Variants in RTP2 observed in about 807,000 individuals in gnomAD.
The protein encoded by RTP2 is receptor-transporting protein 2.
In RTP2, 12 loss-of-function variants were observed where a neutral mutation model predicts 17.9. The observed-to-expected ratio is 0.67, with a 90% CI of 0.43 to 1.09. The LOEUF (loss-of-function observed/expected upper bound fraction) is 1.09. RTP2 is among the 50% of genes least tolerant of loss of function. RTP2 has a pLI of 0.00. For missense variants in RTP2, 327 were observed against 295.7 expected (o/e 1.11, Z -0.78); for synonymous variants, 126 against 117.7 (o/e 1.07, Z -0.46).
At chr3:187,699,776 CACACACATAT>C (rs747680489) in intron 1 of RTP2, among the ~76,000 whole-genome samples, 1,697 of 45,418 alleles carry the variant, frequency 0.037, 29 homozygotes, top group African/African-American at 0.094. Flanking sequence ...CACACACACA[CACACACATAT>C]ATTTTCTCTC....
At chr3:187,700,245 A>G (rs1717811730) in intron 1 of RTP2, among the ~76,000 whole-genome samples, 1 of 152,220 alleles carries the variant, frequency 6.6e-6, no homozygotes, top group Non-Finnish European at 1.5e-5. Context: ...TGAGCATAGA[A>G]CAGTACCCAG....
upstream of RTP2, among the ~76,000 whole-genome samples, chr3:187,704,247 A>G (rs1335446808): frequency 1.3e-5 from 2 of 152,222 alleles, no homozygotes; most frequent in Non-Finnish European, 2.9e-5. Context: ...TTTCCCCTTC[A>G]ATTTGGAATG....
intron 1 of RTP2, among the ~76,000 whole-genome samples, chr3:187,701,477 G>T (rs868044242): frequency 1.3e-5 from 2 of 152,170 alleles, no homozygotes; most frequent in African/African-American, 4.8e-5. Flanking sequence ...AGTTTACAAG[G>T]CTACTTAGCT....
the RTP2 span, among the ~76,000 whole-genome samples, chr3:187,713,137 T>C: frequency 6.6e-6 from 1 of 151,952 alleles, no homozygotes; most frequent in Non-Finnish European, 1.5e-5. Flanking sequence ...AGGGAGGAGA[T>C]TGAGATGTAC....
chr3:187,702,973 G>A (rs900367172), upstream of RTP2, among the ~76,000 whole-genome samples: 1 of 152,000 alleles, frequency 6.6e-6, no homozygotes, highest in Non-Finnish European at 1.5e-5. Flanking sequence ...GCCAGGCTAA[G>A]GTGGCTGCTG....
At chr3:187,707,400 C>T (rs944441614), upstream of RTP2, among the ~76,000 whole-genome samples, 1 of 152,090 alleles carries the variant, frequency 6.6e-6, no homozygotes, top group African/African-American at 2.4e-5. Flanking sequence ...GTAGGGAAGT[C>T]AATAAGGCTT....
upstream of RTP2, among the ~76,000 whole-genome samples, chr3:187,705,482 C>T (rs115303704): frequency 3.9e-5 from 6 of 152,342 alleles, no homozygotes; most frequent in Non-Finnish European, 8.8e-5. Context: ...CCTGGGCAGA[C>T]TTTTAAAAAT....
At chr3:187,702,209 A>G (rs925019985) in exon 1 of RTP2, 1 of 1,380,086 alleles carries the variant, frequency 7.2e-7, no homozygotes, top group East Asian at 2.3e-5. Flanking sequence ...GGGACAATTC[A>G]GTGTCTACGG....
upstream of RTP2, among the ~76,000 whole-genome samples, chr3:187,704,800 C>T (rs1222956785): frequency 6.6e-6 from 1 of 152,166 alleles, no homozygotes; most frequent in East Asian, 1.9e-4. Context: ...GGTCCAAGCT[C>T]CCACTCTTTG....
In RTP2 at chr3:187,699,483, G is replaced by T. The variant is rs990836632; in HGVS notation, c.165-472C>A. On this transcript the variant is annotated intron_variant, in intron 1 of 1. Coordinates refer to ENST00000358241, the Ensembl canonical transcript of RTP2. ...TGCATCTTGCTTACTTTGGGGAGAA[G>T]AGACGCCTCTAACTGTGCCAAGCAC... Among the ~76,000 whole-genome samples the T allele has an allele frequency of 2.0e-5, 3 of 152,246 alleles. 1 individual carries two copies. Among genetic ancestry groups the T allele is most frequent in the African/African-American group, 7.2e-5 (3 of 41,550 alleles).
intron 1 of RTP2, among the ~76,000 whole-genome samples, chr3:187,701,343 T>G (rs937354152): frequency 6.6e-6 from 1 of 152,212 alleles, no homozygotes; most frequent in Non-Finnish European, 1.5e-5. Context: ...TGCTCAAAGC[T>G]AAATCTTTTT....
intron 1 of RTP2, 116 bp from the exon 2 acceptor site, chr3:187,699,127 T>C: frequency 8.1e-7 from 1 of 1,230,694 alleles, no homozygotes; most frequent in Non-Finnish European, 1.1e-6. Context: ...GGAGGCAGTG[T>C]TTACTGCCCT....
upstream of RTP2, among the ~76,000 whole-genome samples, chr3:187,706,361 A>G (rs1158970486): frequency 1.3e-5 from 2 of 152,240 alleles, no homozygotes; most frequent in Admixed American, 1.3e-4. Context: ...ACTATAGTTA[A>G]AAAGCTACAT....
upstream of RTP2, among the ~76,000 whole-genome samples, chr3:187,706,578 A>G (rs985669405): frequency 1.3e-5 from 2 of 152,202 alleles, no homozygotes; most frequent in Admixed American, 1.3e-4. Flanking sequence ...TGCATGCCTC[A>G]CTTCATCTCA....
upstream of RTP2, among the ~76,000 whole-genome samples, chr3:187,703,690 A>T (rs1445335358): frequency 6.6e-6 from 1 of 152,222 alleles, no homozygotes; most frequent in Non-Finnish European, 1.5e-5. Context: ...GGGATCCATG[A>T]ATGGCCAGGA....
the RTP2 span, among the ~76,000 whole-genome samples, chr3:187,710,401 C>A: frequency 2.2e-5 from 3 of 134,064 alleles, no homozygotes; most frequent in Non-Finnish European, 4.8e-5. Context: ...ATATATATAT[C>A]ATATATTATA....
upstream of RTP2, among the ~76,000 whole-genome samples, chr3:187,703,394 T>C (rs1717906199): frequency 6.6e-6 from 1 of 152,188 alleles, no homozygotes; most frequent in African/African-American, 2.4e-5. Flanking sequence ...CACTGGATTC[T>C]CTCTTGAAAT....
At position 187,698,692 on chromosome 3, in the gene RTP2, T is replaced by A. The variant is rs755946428; in HGVS notation, c.484A>T (p.Ile162Phe). Residue 162 changes from isoleucine to phenylalanine, a missense_variant, in exon 2 of 2, where the codon ATC becomes TTC. Coordinates refer to ENST00000358241, the Ensembl canonical transcript of RTP2. ...TTCTCGCTGGGCTTCCAGTGAACGA[T>A]GCCCTCCTGGCAGGCCTCACAGAAC... The A allele has an allele frequency of 9.9e-6, 16 of 1,614,006 alleles. No homozygotes were observed. Among genetic ancestry groups the A allele is most frequent in the Non-Finnish European group, 1.4e-5 (16 of 1,179,974 alleles).
upstream of RTP2, among the ~76,000 whole-genome samples, chr3:187,702,938 G>A (rs1041751475): frequency 6.6e-6 from 1 of 152,060 alleles, no homozygotes; most frequent in Non-Finnish European, 1.5e-5. Context: ...AACTGTTAGA[G>A]CCCATATTCA....
Sources: gnomAD v4.1 joint callset for allele counts (sites outside exome capture counted in the v4.1 genomes callset) on GRCh38, gnomAD v4.1.1 for gene constraint, MANE v1.5 for transcripts, NCBI Gene and HGNC (gene_info 2026-07-23, HGNC 2026-07-21) for gene names.